Variants in MAP4K1 observed in about 807,000 individuals in gnomAD.
The protein encoded by MAP4K1 is mitogen-activated protein kinase kinase kinase kinase 1.
A neutral mutation model predicts 122.8 loss-of-function variants in MAP4K1; 35 were observed. The observed-to-expected ratio is 0.29, with a 90% CI of 0.22 to 0.38. The LOEUF (loss-of-function observed/expected upper bound fraction) is 0.38. Ranked by LOEUF, MAP4K1 falls within the 10% of genes least tolerant of loss-of-function variation. MAP4K1 has a pLI of 1.00. For synonymous variants in MAP4K1, 412 were observed against 421.3 expected (o/e 0.98, Z 0.27); for missense variants, 791 against 1,072.6 (o/e 0.74, Z 3.67).
chr19:38,600,704 G>A (rs539324904), intron 20 of MAP4K1, among the ~76,000 whole-genome samples: 39 of 151,060 alleles, frequency 2.6e-4, no homozygotes, highest in Non-Finnish European at 4.7e-4. Flanking sequence ...CATCTTTCTC[G>A]TGCTCCAAAC....
chr19:38,602,769 C>T (rs776025103), intron 19 of MAP4K1, among the ~76,000 whole-genome samples: 15 of 146,180 alleles, frequency 1.0e-4, no homozygotes, highest in Non-Finnish European at 1.9e-4. Context: ...TACGCATATA[C>T]ATATATACAC....
chr19:38,606,063 C>T, intron 17 of MAP4K1, 110 bp downstream of exon 17: 1 of 857,278 alleles, frequency 1.2e-6, no homozygotes, highest in Non-Finnish European at 1.9e-6. Context: ...ATCCTGGTCT[C>T]CCCAATTCCC....
chr19:38,614,539 C>G, intron 4 of MAP4K1, 94 bp from the exon 5 acceptor site: 1 of 1,375,276 alleles, frequency 7.3e-7, no homozygotes, highest in Non-Finnish European at 1.0e-6. Context: ...TAAGAGGGTG[C>G]CATAGGGAGA....
Position 38,608,799 on chromosome 19 carries a change from C to CAAAAAAAAAAA in MAP4K1, c.1007-640_1007-630dup, listed in dbSNP as rs1031744033. Among the ~76,000 whole-genome samples, 35 of 9,556 alleles carry CAAAAAAAAAAA rather than the reference C, an allele frequency of 3.7e-3. 4 individuals are homozygous for CAAAAAAAAAAA. Among genetic ancestry groups the CAAAAAAAAAAA allele is most frequent in the Non-Finnish European group, 4.4e-3 (20 of 4,544 alleles). The allele number at this position is 9,556 out of a possible 152,430, so 6.3% of individuals were successfully genotyped here. On this transcript the variant is annotated intron_variant, in intron 13 of 30. Coordinates refer to ENST00000396857, the MANE Select transcript of MAP4K1 (RefSeq NM_001042600.3). ...TGGGCGACAGAGTGAAACTCCGTCT[C>CAAAAAAAAAAA]AAAAAAAAAAAAAAAAAAAAAAAAA... is the stretch of plus-strand genomic sequence containing the variant.
chr19:38,599,952 T>TG lies in MAP4K1; in HGVS notation c.1641dup (p.Ile548HisfsTer19). The TG allele has an allele frequency of 6.2e-7, 1 of 1,614,150 alleles. No individual in the cohort carries two copies. ...GAGAGAGACATGAGAACGTTGTTGATGGAGTACACCCACGTAGTCCGGCTA... is the reference window on the plus strand; with the variant it reads ...GAGAGAGACATGAGAACGTTGTTGATGGGAGTACACCCACGTAGTCCGGCTA... On this transcript the variant is annotated frameshift_variant, in exon 22 of 31. Coordinates refer to ENST00000396857, the MANE Select transcript of MAP4K1 (RefSeq NM_001042600.3). LOFTEE classifies it high-confidence loss of function.
intron 30 of MAP4K1, among the ~76,000 whole-genome samples, chr19:38,590,572 C>T (rs1015683811): frequency 6.6e-6 from 1 of 150,956 alleles, no homozygotes; most frequent in African/African-American, 2.4e-5. Context: ...TCCACCTCTC[C>T]GATTCAAGTG....
rs756719960 is a variant in MAP4K1 at position 38,612,718 on chromosome 19, C to T, written c.558G>A (p.Val186=). The change falls in exon 9 of 31, where the codon GTG becomes GTA. Residue 186 remains valine, a synonymous_variant. Transcript: ENST00000396857. ...PYWMAPEVAA[V]ALKGGYNELC... ...GCTCATTGTATCCTCCCTTCAGGGCCACAGCTGCCACTTCCGGAGCCATCC... is the reference window on the plus strand; with the variant it reads ...GCTCATTGTATCCTCCCTTCAGGGCTACAGCTGCCACTTCCGGAGCCATCC... 1.9e-6 allele frequency: 3 copies of T among 1,613,440 alleles called. No individual in the cohort carries two copies. The highest frequency in any genetic ancestry group is 4.5e-5 in the East Asian group (2 of 44,850).
intron 30 of MAP4K1, among the ~76,000 whole-genome samples, chr19:38,590,465 G>A (rs1974696120): frequency 7.5e-6 from 1 of 133,368 alleles, no homozygotes; most frequent in African/African-American, 2.8e-5. Flanking sequence ...GACAACGGGT[G>A]AAATTTTTTG....
At chr19:38,601,604 T>C (rs576602306) in intron 19 of MAP4K1, 79 bp from the exon 20 acceptor site, 2 of 1,079,190 alleles carry the variant, frequency 1.9e-6, no homozygotes, top group African/African-American at 3.1e-5. Context: ...GTTACGACTT[T>C]GGAGCGAGAG....
intron 22 of MAP4K1, among the ~76,000 whole-genome samples, chr19:38,598,947 A>C (rs1974972306): frequency 7.3e-6 from 1 of 136,460 alleles, no homozygotes; most frequent in East Asian, 2.4e-4. Flanking sequence ...TGGGAAACGG[A>C]GGTTGCAGTG....
chr19:38,597,974 T>A lies in MAP4K1; in HGVS notation c.1670-380A>T, dbSNP rs895085373. Among the ~76,000 whole-genome samples the A allele has an allele frequency of 6.6e-6, 1 of 152,172 alleles. No individual in the cohort carries two copies. Among genetic ancestry groups the A allele is most frequent in the Non-Finnish European group, 1.5e-5 (1 of 68,040 alleles). ...CATCACAGATGTGGCTTTCACTAAC[T>A]CATGAATCCCATTTGGCTTGGTGTT... On this transcript the variant is annotated intron_variant, in intron 22 of 30. Transcript: ENST00000396857. The surrounding 1 kb of genome is among the most constrained non-coding windows in gnomAD (Gnocchi z 4.6).
intron 20 of MAP4K1, among the ~76,000 whole-genome samples, chr19:38,600,369 C>T (rs980434435): frequency 6.6e-6 from 1 of 152,150 alleles, no homozygotes; most frequent in African/African-American, 2.4e-5. Flanking sequence ...TACCCATATT[C>T]TGGTGGTTCT....
intron 4 of MAP4K1, among the ~76,000 whole-genome samples, chr19:38,615,884 C>T (rs1269850367): frequency 6.6e-6 from 1 of 151,556 alleles, no homozygotes; most frequent in Non-Finnish European, 1.5e-5. Flanking sequence ...GTCTTGAACT[C>T]CTGACCTCAG....
intron 4 of MAP4K1, among the ~76,000 whole-genome samples, chr19:38,615,032 A>G (rs1312492105): frequency 6.6e-6 from 1 of 152,086 alleles, no homozygotes; most frequent in Non-Finnish European, 1.5e-5. Flanking sequence ...CAGCAAGAAG[A>G]AACATAAAGC....
At chr19:38,609,428 C>T (rs1975428520) in intron 13 of MAP4K1, among the ~76,000 whole-genome samples, 168 bp downstream of exon 13, 1 of 152,130 alleles carries the variant, frequency 6.6e-6, no homozygotes, top group Non-Finnish European at 1.5e-5. Context: ...AGTCACCACG[C>T]CTGGCCTCTA....
rs374324542 is a variant in MAP4K1 at position 38,617,809 on chromosome 19, C to T, written c.87G>A (p.Gly29=). The stretch of plus-strand genomic sequence containing the variant: ...GGGGCTTCCTCACCTTAAAGACTTC[C>T]CCATACGTGCCGCCACCCAGCCGCT... ...LLQRLGGGTY[G]EVFKARDKVS... Residue 29 remains glycine, a synonymous_variant, in exon 1 of 31, where the codon GGG becomes GGA. Coordinates refer to ENST00000396857, the MANE Select transcript of MAP4K1 (RefSeq NM_001042600.3). The surrounding 1 kb of genome is among the most constrained non-coding windows in gnomAD (Gnocchi z 4.1). 3 of 1,613,940 alleles carry T rather than the reference C, an allele frequency of 1.9e-6. No individual in the cohort carries two copies. The African/African-American group carries it at 4.0e-5, about 22-fold the overall frequency.
intron 30 of MAP4K1, among the ~76,000 whole-genome samples, chr19:38,588,751 C>CA (rs1207148126): frequency 0.026 from 2,562 of 98,190 alleles, 77 homozygotes; most frequent in African/African-American, 0.081. Flanking sequence ...GCCTCTGTCT[C>CA]AAAAAAAAAA....
At chr19:38,614,106 G>A (rs1397165029) in intron 6 of MAP4K1, 21 bp from the exon 7 acceptor site, 1 of 1,613,370 alleles carries the variant, frequency 6.2e-7, no homozygotes, top group Non-Finnish European at 8.5e-7. Flanking sequence ...GAGGGGATAT[G>A]GGAGGCTGCA....
chr19:38,616,255 G>C lies in MAP4K1; in HGVS notation c.253C>G (p.Gln85Glu). The stretch of plus-strand genomic sequence containing the variant: ...AATTCCATGCAGATCCAGAGTTTCT[G>C]CAACCTGCAGTGGTTCAAGAGTAAG... Reference protein sequence around the residue: ...VAYHGSYLWLQKLWICMEFCG... With the variant: ...VAYHGSYLWLEKLWICMEFCG... The change falls in exon 4 of 31, where the codon CAG becomes GAG. Residue 85 changes from glutamine (Q) to glutamate (E), a missense_variant. By Grantham distance (29) the Gln-to-Glu change is conservative. Around this residue, in one of 4 missense-constraint regions of MAP4K1, gnomAD observed 163 missense variants for 286.1 expected, o/e 0.57. Coordinates refer to ENST00000396857, the MANE Select transcript of MAP4K1 (RefSeq NM_001042600.3). 1 of 1,612,464 alleles carries C rather than the reference G, an allele frequency of 6.2e-7. No homozygotes were observed. The highest frequency in any genetic ancestry group is 8.5e-7 in the Non-Finnish European group (1 of 1,179,160).
Sources: gnomAD v4.1 joint callset for allele counts (sites outside exome capture counted in the v4.1 genomes callset) on GRCh38, gnomAD v4.1.1 for gene constraint, gnomAD v4.1.1 regional missense constraint, Gnocchi (gnomAD v3.1) non-coding constraint, MANE v1.5 for transcripts, NCBI Gene and HGNC (gene_info 2026-07-23, HGNC 2026-07-21) for gene names.